The following CNTNAP2 variants were observed in gnomAD, a reference collection of about 807,000 sequenced individuals.
CNTNAP2 encodes contactin associated protein 2.
In CNTNAP2, 98 loss-of-function variants were observed where a neutral mutation model predicts 155.2. The ratio of observed to expected loss-of-function variants is 0.63; its 90% CI spans 0.54 to 0.75. The LOEUF (loss-of-function observed/expected upper bound fraction) is 0.75, where lower values mean the gene tolerates loss of function less well. Ranked by LOEUF, CNTNAP2 falls within the 30% of genes least tolerant of loss-of-function variation. CNTNAP2 has a pLI of 0.00. For synonymous variants in CNTNAP2, 651 were observed against 631.2 expected, an observed-to-expected ratio of 1.03 and a Z score of -0.47; for missense variants, 1,727 against 1,688.1, an observed-to-expected ratio of 1.02 and a Z score of -0.40.
At position 146,116,992 on chromosome 7, in the gene CNTNAP2, G is replaced by T. The variant is rs1437864196; in HGVS notation, c.97+19G>T. The T allele has an allele frequency of 6.5e-7, 1 of 1,545,894 alleles. No homozygotes were observed. The highest frequency in any genetic ancestry group is 8.8e-7 in the Non-Finnish European group (1 of 1,142,698). On this transcript the variant is annotated intron_variant, in intron 1 of 23. Transcript: ENST00000361727. This position sits in a 1 kb window ranked among gnomAD's most constrained non-coding sequence, Gnocchi z 5.5. ...ACGTCCCGTAAGTAGCCGTCTCCTC[G>T]CTCTGCTCTGGAGCAGTTTCAGTGC...
chr7:146,633,632 A>C (rs1181720832), intron 1 of CNTNAP2, among the ~76,000 whole-genome samples: 4 of 152,146 alleles, frequency 2.6e-5, no homozygotes, highest in Admixed American at 2.6e-4. Context: ...GAGTTAAAAA[A>C]TAGATATAAG....
rs10673467 is a variant in CNTNAP2 at position 146,550,401 on chromosome 7, GTTTTTTTTTTT to G, written c.98-223852_98-223842del. Among the ~76,000 whole-genome samples, 13 of 54,382 alleles carry G rather than the reference GTTTTTTTTTTT, an allele frequency of 2.4e-4. 1 individual carries two copies. Among genetic ancestry groups the G allele is most frequent in the Non-Finnish European group, 3.3e-4 (10 of 30,170 alleles). The allele number at this position is 54,382 out of a possible 152,430, so 35.7% of individuals were successfully genotyped here. A position where few individuals can be genotyped will look rare whatever the true frequency, so the allele number is the denominator to read the frequency against. On this transcript the variant is annotated intron_variant, in intron 1 of 23. Coordinates refer to ENST00000361727, the MANE Select transcript of CNTNAP2 (RefSeq NM_014141.6). ...TTATAGCAGTGAGGTCCATTAATCT[GTTTTTTTTTTT>G]TTTTTTTTTTTTTTTTTATAAAGTA...
At chr7:147,925,807 G>T (rs1288937731) in intron 14 of CNTNAP2, among the ~76,000 whole-genome samples, 2 of 152,160 alleles carry the variant, frequency 1.3e-5, no homozygotes, top group African/African-American at 2.4e-5. Context: ...GCTATCATTA[G>T]AGCATCACAC....
chr7:148,129,650 A>G (rs1434259220), intron 16 of CNTNAP2, among the ~76,000 whole-genome samples: 1 of 152,246 alleles, frequency 6.6e-6, no homozygotes, highest in African/African-American at 2.4e-5. Flanking sequence ...TTTCAACTAC[A>G]CTTAGAGAGA....
chr7:148,246,200 T>C (rs1038616721), intron 20 of CNTNAP2, among the ~76,000 whole-genome samples: 1 of 152,230 alleles, frequency 6.6e-6, no homozygotes, highest in East Asian at 1.9e-4. Flanking sequence ...TGAATATTGT[T>C]ATTGCTGCCA....
At chr7:146,930,089 C>T (rs868707514) in intron 3 of CNTNAP2, among the ~76,000 whole-genome samples, 47 of 152,048 alleles carry the variant, frequency 3.1e-4, no homozygotes, top group African/African-American at 7.7e-4. Flanking sequence ...ATACAGAGAA[C>T]GCCACAAAGA....
At chr7:148,324,461 G>T (rs1797854825) in intron 21 of CNTNAP2, among the ~76,000 whole-genome samples, 1 of 152,110 alleles carries the variant, frequency 6.6e-6, no homozygotes, top group South Asian at 2.1e-4. Context: ...TCACCAAATT[G>T]TTTGTGGCCC....
At chr7:147,414,220 T>G (rs1797149215) in intron 10 of CNTNAP2, among the ~76,000 whole-genome samples, 1 of 151,418 alleles carries the variant, frequency 6.6e-6, no homozygotes, top group Non-Finnish European at 1.5e-5. Flanking sequence ...CGATCAGGAG[T>G]TCGAGACCAG....
intron 21 of CNTNAP2, among the ~76,000 whole-genome samples, chr7:148,347,428 A>G (rs1384681464): frequency 6.6e-6 from 1 of 152,218 alleles, no homozygotes; most frequent in East Asian, 1.9e-4. Flanking sequence ...TACAACAAGA[A>G]TGAAACCCCA....
At chr7:146,358,723 C>T (rs1227519085) in intron 1 of CNTNAP2, among the ~76,000 whole-genome samples, 1 of 152,154 alleles carries the variant, frequency 6.6e-6, no homozygotes, top group African/African-American at 2.4e-5. Flanking sequence ...AATCCAACAA[C>T]TTAAAGCAGT....
intron 9 of CNTNAP2, among the ~76,000 whole-genome samples, chr7:147,306,584 A>T (rs945240658): frequency 6.6e-6 from 1 of 152,248 alleles, no homozygotes; most frequent in Non-Finnish European, 1.5e-5. Flanking sequence ...AAATGATAAG[A>T]AAATGTATCA....
intron 21 of CNTNAP2, among the ~76,000 whole-genome samples, chr7:148,309,906 G>A (rs976073043): frequency 6.6e-6 from 1 of 152,096 alleles, no homozygotes. Context: ...TTGGGGGGTG[G>A]TATGGAGAGA....
At chr7:148,056,851 G>A (rs1247055674) in intron 15 of CNTNAP2, among the ~76,000 whole-genome samples, 1 of 152,152 alleles carries the variant, frequency 6.6e-6, no homozygotes, top group Non-Finnish European at 1.5e-5. Flanking sequence ...CTTGAAGGGC[G>A]ATTTAAGAGC....
intron 15 of CNTNAP2, among the ~76,000 whole-genome samples, chr7:148,012,492 G>A (rs1802098226): frequency 6.6e-6 from 1 of 152,178 alleles, no homozygotes; most frequent in South Asian, 2.1e-4. Flanking sequence ...GATCCACCTT[G>A]TGCCTGTAGG....
intron 13 of CNTNAP2, among the ~76,000 whole-genome samples, chr7:147,863,742 C>A (rs1373934596): frequency 1.3e-5 from 2 of 150,936 alleles, no homozygotes; most frequent in Non-Finnish European, 1.5e-5. Flanking sequence ...TGAGAAGTGT[C>A]TGTTAATATC....
intron 1 of CNTNAP2, among the ~76,000 whole-genome samples, chr7:146,704,237 A>G (rs2129173914): frequency 6.6e-6 from 1 of 152,238 alleles, no homozygotes; most frequent in South Asian, 2.1e-4. Flanking sequence ...CACACAGCAC[A>G]CAGTCTCCAG....
At chr7:146,227,742 G>C (rs776177883) in intron 1 of CNTNAP2, among the ~76,000 whole-genome samples, 1 of 152,080 alleles carries the variant, frequency 6.6e-6, no homozygotes, top group Non-Finnish European at 1.5e-5. Context: ...ATAATAGAGA[G>C]AGGGAGAAGG....
chr7:147,701,910 G>A (rs1221549360), intron 13 of CNTNAP2, among the ~76,000 whole-genome samples: 2 of 152,082 alleles, frequency 1.3e-5, no homozygotes, highest in Non-Finnish European at 2.9e-5. Context: ...TAGAGACACA[G>A]TATACCTAAG....
rs530912496 is a variant in CNTNAP2 at position 148,262,568 on chromosome 7, T to C, written c.3382-4465T>C. On this transcript the variant is annotated intron_variant, in intron 20 of 23. Coordinates refer to ENST00000361727, the MANE Select transcript of CNTNAP2 (RefSeq NM_014141.6). ...TCTCCTGCGTTCCTTGGGCCCTTCC[T>C]CACGTCACTCTAACTTCTGCTTCCG... Among the ~76,000 whole-genome samples, 9 of 152,242 alleles carry C rather than the reference T, an allele frequency of 5.9e-5. No individual in the cohort carries two copies. In the South Asian group the frequency reaches 1.9e-3, roughly 32 times the overall value.
Sources: gnomAD v4.1 joint callset for allele counts (sites outside exome capture counted in the v4.1 genomes callset) on GRCh38, gnomAD v4.1.1 for gene constraint, Gnocchi (gnomAD v3.1) non-coding constraint, MANE v1.5 for transcripts, NCBI Gene and HGNC (gene_info 2026-07-23, HGNC 2026-07-21) for gene names.